Variants in PIBF1 observed in about 807,000 individuals in gnomAD.
The protein encoded by PIBF1 is progesterone immunomodulatory binding factor 1, also known as progesterone-induced-blocking factor 1.
PIBF1 carries 90 observed loss-of-function variants against 112.5 expected under a neutral mutation model. That is an observed-to-expected ratio of 0.80 (90% CI 0.67 to 0.95). The LOEUF is 0.95. PIBF1 is among the 40% of genes least tolerant of loss of function. The pLI, the probability that PIBF1 is intolerant of heterozygous loss-of-function variation, is 0.00. For missense variants in PIBF1, 915 were observed against 852.3 expected (o/e 1.07, Z -0.92); for synonymous variants, 301 against 288.6 (o/e 1.04, Z -0.44).
chr13:73,007,631 G>GA (rs1486240809), intron 17 of PIBF1, among the ~76,000 whole-genome samples: 1 of 152,032 alleles, frequency 6.6e-6, no homozygotes, highest in African/African-American at 2.4e-5. Flanking sequence ...CCAACATGGA[G>GA]AAACCCCATC....
intron 10 of PIBF1, among the ~76,000 whole-genome samples, chr13:72,877,241 G>T (rs1401395022): frequency 6.6e-6 from 1 of 152,136 alleles, no homozygotes. Flanking sequence ...CCACTTGGTT[G>T]TGGTGTATAG....
intron 11 of PIBF1, among the ~76,000 whole-genome samples, chr13:72,899,620 C>T (rs1011008288): frequency 3.9e-5 from 6 of 152,034 alleles, no homozygotes; most frequent in Non-Finnish European, 8.8e-5. Context: ...TCATAAAAGC[C>T]ATCTATAACA....
At chr13:72,972,281 C>T (rs1049375005) in intron 15 of PIBF1, among the ~76,000 whole-genome samples, 4 of 152,056 alleles carry the variant, frequency 2.6e-5, no homozygotes, top group African/African-American at 9.7e-5. Context: ...GTTCTCCAAC[C>T]TCGATCTCCC....
At chr13:72,808,501 A>G (rs1221605425) in intron 5 of PIBF1, among the ~76,000 whole-genome samples, 1 of 152,206 alleles carries the variant, frequency 6.6e-6, no homozygotes, top group African/African-American at 2.4e-5. Context: ...ATGTACCTCT[A>G]AACGGTGGTG....
chr13:72,865,476 C>T (rs2038887150), intron 10 of PIBF1, among the ~76,000 whole-genome samples: 2 of 152,196 alleles, frequency 1.3e-5, no homozygotes, highest in Non-Finnish European at 2.9e-5. Context: ...TCCTGTGAAT[C>T]TTCTGGCAAA....
intron 2 of PIBF1, among the ~76,000 whole-genome samples, chr13:72,791,346 G>A (rs562013935): frequency 1.3e-5 from 2 of 151,702 alleles, no homozygotes; most frequent in Admixed American, 6.6e-5. Context: ...GAATCACCAC[G>A]CCCTGCCTGA....
At chr13:72,784,541 C>G (rs1275422289) in intron 2 of PIBF1, among the ~76,000 whole-genome samples, 1 of 151,926 alleles carries the variant, frequency 6.6e-6, no homozygotes, top group African/African-American at 2.4e-5. Context: ...GTGGATTGCT[C>G]CAAGCTCAGG....
rs2041127583 is a variant in PIBF1, at chr13:72,917,057, A to T, written c.1640-19A>T. 11 of 1,461,646 alleles carry T rather than the reference A, an allele frequency of 7.5e-6. No individual in the cohort carries two copies. The highest frequency in any genetic ancestry group is 1.0e-5 in the Non-Finnish European group (11 of 1,065,330). The allele number at this position is 1,461,646 out of a possible 1,614,324, so 90.5% of individuals were successfully genotyped here. A position where few individuals can be genotyped will look rare whatever the true frequency, so the allele number is the denominator to read the frequency against. On this transcript the variant is annotated intron_variant, in intron 12 of 17. Coordinates refer to ENST00000326291, the MANE Select transcript of PIBF1 (RefSeq NM_006346.4). ...GAAAAATAAAGTTATTTCACATTAT[A>T]CACTTTAATATTTTCCAGTTGAAAA...
chr13:72,928,006 C>CACACATATATATATCCAT (rs750684543), intron 13 of PIBF1, among the ~76,000 whole-genome samples: 1 of 101,816 alleles, frequency 9.8e-6, no homozygotes, highest in African/African-American at 5.6e-5. Flanking sequence ...CATATATATA[C>CACACATATATATATCCAT]ATATATATAC....
chr13:72,927,677 T>C lies in PIBF1; in HGVS notation c.1731-3488T>C, dbSNP rs562721022. Among the ~76,000 whole-genome samples the C allele has an allele frequency of 2.0e-3, 299 of 152,066 alleles. 2 individuals carry two copies. Among genetic ancestry groups the C allele is most frequent in the Non-Finnish European group, 3.1e-3 (212 of 67,982 alleles). ...TTTACTGTTTTTGTTTTACTGTAAG[T>C]ATTATAATGATGAAAAACAGTTATA... On this transcript the variant is annotated intron_variant, in intron 13 of 17. Coordinates refer to ENST00000326291, the MANE Select transcript of PIBF1 (RefSeq NM_006346.4).
chr13:72,890,649 C>T (rs895806784), intron 10 of PIBF1, among the ~76,000 whole-genome samples: 6 of 151,950 alleles, frequency 3.9e-5, no homozygotes, highest in Admixed American at 1.3e-4. Flanking sequence ...GAATATCAAA[C>T]GTGAAGTTGT....
intron 2 of PIBF1, among the ~76,000 whole-genome samples, chr13:72,787,204 A>G (rs1007204583): frequency 6.6e-6 from 1 of 152,208 alleles, no homozygotes; most frequent in Admixed American, 6.5e-5. Flanking sequence ...TTATTTGTTT[A>G]TGTATAAATT....
At chr13:72,885,371 T>C (rs955232794) in intron 10 of PIBF1, among the ~76,000 whole-genome samples, 1 of 152,158 alleles carries the variant, frequency 6.6e-6, no homozygotes, top group Non-Finnish European at 1.5e-5. Context: ...CTGCCCCTCA[T>C]CAAATTAGTA....
At chr13:72,983,918 C>T (rs2043213846) in intron 16 of PIBF1, among the ~76,000 whole-genome samples, 1 of 152,162 alleles carries the variant, frequency 6.6e-6, no homozygotes, top group East Asian at 1.9e-4. Context: ...ACTTGTTTCT[C>T]AGATTCACAC....
rs1491281184 is a variant in PIBF1 at position 72,832,071 on chromosome 13, C to CTTTTTTTT, written c.1098-3172_1098-3171insTTTTTTTT. Among the ~76,000 whole-genome samples, 29 of 59,492 alleles carry CTTTTTTTT rather than the reference C, an allele frequency of 4.9e-4. 10 individuals carry two copies. The highest frequency in any genetic ancestry group is 1.8e-3 in the Admixed American group (7 of 3,934). The allele number at this position is 59,492 out of a possible 152,430, so 39.0% of individuals were successfully genotyped here. A position where few individuals can be genotyped will look rare whatever the true frequency, so the allele number is the denominator to read the frequency against. On this transcript the variant is annotated intron_variant, in intron 8 of 17. Transcript: ENST00000326291. ...TCAGAGATTAGAATTGCAATTCCGG[C>CTTTTTTTT]CTTTTTTTTTTTTTTTTTTTTTTTT...
rs558244445 is a variant in PIBF1 at position 72,835,132 on chromosome 13, AAC to A, written c.1098-107_1098-106del. The A allele has an allele frequency of 2.1e-4, 132 of 637,770 alleles. 1 individual carries two copies. Among genetic ancestry groups the A allele is most frequent in the African/African-American group, 9.2e-4 (49 of 53,296 alleles). 39.5% of individuals were successfully genotyped at this position (637,770 alleles called of 1,614,324 possible). ...CTATTAATAGTTAAGTTTTTCAGGTAACACAGTTTATAGAGCATACTTGATAA... is the reference window on the plus strand; with the variant it reads ...CTATTAATAGTTAAGTTTTTCAGGTAACAGTTTATAGAGCATACTTGATAA... On this transcript the variant is annotated intron_variant, in intron 8 of 17. Coordinates refer to ENST00000326291, the MANE Select transcript of PIBF1 (RefSeq NM_006346.4).
intron 5 of PIBF1, among the ~76,000 whole-genome samples, chr13:72,804,728 A>G (rs1259714637): frequency 6.6e-6 from 1 of 152,324 alleles, no homozygotes; most frequent in African/African-American, 2.4e-5. Flanking sequence ...AATACTCAGT[A>G]TGCCAGGGTG....
At chr13:72,817,226 T>C (rs1381795935) in intron 5 of PIBF1, among the ~76,000 whole-genome samples, 2 of 152,200 alleles carry the variant, frequency 1.3e-5, no homozygotes, top group East Asian at 1.9e-4. Context: ...TTTTGAAACA[T>C]AGGTTGCTGC....
intron 14 of PIBF1, among the ~76,000 whole-genome samples, chr13:72,949,298 G>GTGTTT (rs1566481285): frequency 1.2e-5 from 1 of 80,910 alleles, no homozygotes; most frequent in African/African-American, 4.8e-5. Flanking sequence ...ACAAATAGCT[G>GTGTTT]TCTTTTTTTT....
Sources: gnomAD v4.1 joint callset for allele counts (sites outside exome capture counted in the v4.1 genomes callset) on GRCh38, gnomAD v4.1.1 for gene constraint, MANE v1.5 for transcripts, NCBI Gene and HGNC (gene_info 2026-07-23, HGNC 2026-07-21) for gene names.